GPR101: variants seen among roughly 807,000 people sequenced by gnomAD.
The protein encoded by GPR101 is probable G protein-coupled receptor 101.
A neutral mutation model predicts 16.4 loss-of-function variants in GPR101; 8 were observed. The ratio of observed to expected loss-of-function variants is 0.49; its 90% confidence interval spans 0.29 to 0.88. The LOEUF is 0.88. Among genes scored for constraint, GPR101 ranks in the 40% least tolerant of loss-of-function variants. The pLI, the probability that GPR101 is intolerant of heterozygous loss-of-function variation, is 0.09. For missense variants in GPR101, 375 were observed against 411.7 expected (o/e 0.91, Z 0.77); for synonymous variants, 155 against 168.7 (o/e 0.92, Z 0.63).
Position 137,027,807 on chromosome X carries a change from A to G in GPR101, c.*2341T>C, listed in dbSNP as rs1436038630. 8.9e-6 allele frequency among the ~76,000 whole-genome samples: 1 copy of G among 112,474 alleles called. No individual in the cohort carries two copies. On this transcript the variant is annotated 3_prime_UTR_variant, in exon 2 of 2. Coordinates refer to ENST00000651716, the MANE Select transcript of GPR101 (RefSeq NM_054021.2). ...TTTTGATTTGAGATTTTGGCAAACA[A>G]TTTTCTCTGATACACTTTGAAGGGG...
Position 137,030,194 on chromosome X carries a change from G to A in GPR101, c.1481C>T (p.Thr494Ile). The A allele has an allele frequency of 8.3e-7, 1 of 1,201,579 alleles. No individual in the cohort carries two copies. The highest frequency in any genetic ancestry group is 1.1e-6 in the Non-Finnish European group (1 of 891,099). The change falls in exon 2 of 2, where the codon ACT (threonine) becomes ATT (isoleucine). Residue 494 changes from threonine to isoleucine, a missense_variant. By Grantham distance (89) the Thr-to-Ile change is moderately conservative (BLOSUM62 -1). Coordinates refer to ENST00000651716, the MANE Select transcript of GPR101 (RefSeq NM_054021.2). ...GTAGGAAGGGACAATCTTGCCTTCA[G>A]TCCCACCCTCTGTTCCGGGCAGGTC... ...HPDLPGTEGG[T>I]EGKIVPSYDS...
rs753956918 is a variant in GPR101 at position 137,030,383 on chromosome X, A to G, written c.1292T>C (p.Val431Ala). 2 of 1,208,107 alleles carry G rather than the reference A, an allele frequency of 1.7e-6. No individual in the cohort carries two copies. Among genetic ancestry groups the G allele is most frequent in the African/African-American group, 3.5e-5 (2 of 57,028 alleles). ...GATTATGGTGATCACCCACTGGGGT[A>G]CCTGGGTTTCGACATCCACCCACAC... Reference protein sequence around the residue: ...LAVWVDVETQVPQWVITIIIW... With the variant: ...LAVWVDVETQAPQWVITIIIW... Residue 431 changes from valine to alanine, a missense_variant, in exon 2 of 2, where the codon GTA (valine) becomes GCA (alanine). Coordinates refer to ENST00000651716, the MANE Select transcript of GPR101 (RefSeq NM_054021.2).
Position 137,027,295 on chromosome X carries a change from ATT to A in GPR101, c.*2851_*2852del, listed in dbSNP as rs34085967. On this transcript the variant is annotated 3_prime_UTR_variant, in exon 2 of 2. Transcript: ENST00000651716. ...TGTCTGGCCCCTGTACTTTAATGGGATTTTTTTTTTTTTTTTTACTGCACATA... is the reference window on the plus strand; with the variant it reads ...TGTCTGGCCCCTGTACTTTAATGGGATTTTTTTTTTTTTTTACTGCACATA... Among the ~76,000 whole-genome samples, 170 of 94,577 alleles carry A rather than the reference ATT, an allele frequency of 1.8e-3. No homozygotes were observed. Among genetic ancestry groups the A allele is most frequent in the African/African-American group, 4.1e-3 (105 of 25,748 alleles). 82.1% of individuals were successfully genotyped at this position (94,577 alleles called of 115,157 possible).
At position 137,024,888 on chromosome X, in the gene GPR101, C is replaced by T. The variant is rs763255837; in HGVS notation, c.*5260G>A. Among the ~76,000 whole-genome samples, 233 of 112,122 alleles carry T rather than the reference C, an allele frequency of 2.1e-3. No homozygotes were observed. The highest frequency in any genetic ancestry group is 2.0e-3 in the Non-Finnish European group (109 of 53,226). ...GGTCTTCAGGGTGCAGTATTCTTTT[C>T]GTCCTGCTAACTGGACTCTACTTGC... is the stretch of plus-strand genomic sequence containing the variant. On this transcript the variant is annotated 3_prime_UTR_variant, in exon 2 of 2. Transcript: ENST00000651716.
rs1439056545 is a variant in GPR101, at chrX:137,030,335, C to A, written c.1340G>T (p.Cys447Phe). The A allele has an allele frequency of 5.8e-6, 7 of 1,208,005 alleles. No homozygotes were observed. The South Asian group carries it at 1.2e-4, about 21-fold the overall frequency. The change falls in exon 2 of 2, where the codon TGC becomes TTC. Residue 447 changes from cysteine to phenylalanine, a missense_variant. By Grantham distance (205) the Cys-to-Phe change is radical (BLOSUM62 -2). Coordinates refer to ENST00000651716, the MANE Select transcript of GPR101 (RefSeq NM_054021.2). ...GCCATAGACATAGGGGTGGATGCAG[C>A]ACTGCAGGAAGAAAAGCCAGATGAT... ...TIIIWLFFLQ[C>F]CIHPYVYGYM...
In GPR101 at chrX:137,030,160, A is replaced by G; in HGVS notation, c.1515T>C (p.Ala505=). Residue 505 remains alanine, a synonymous_variant, in exon 2 of 2, where the codon GCT becomes GCC. Transcript: ENST00000651716. ...EGKIVPSYDS[A]TFP ...CTTAGAACTAACTTCAAGGAAAAGT[A>G]GCAGAATCGTAGGAAGGGACAATCT... 1 of 1,177,247 alleles carries G rather than the reference A, an allele frequency of 8.5e-7. No individual in the cohort carries two copies. Among genetic ancestry groups the G allele is most frequent in the Non-Finnish European group, 1.1e-6 (1 of 879,188 alleles).
chrX:137,031,616 G>T lies in GPR101; in HGVS notation c.59C>A (p.Pro20His). The change falls in exon 2 of 2, where the codon CCC becomes CAC. Residue 20 changes from proline (P) to histidine (H), a missense_variant. By Grantham distance (77) the Pro-to-His change is moderately conservative (BLOSUM62 -2). Coordinates refer to ENST00000651716, the MANE Select transcript of GPR101 (RefSeq NM_054021.2). ...CAGGCTGATGGGCATTTTGGAGAGG[G>T]GCATGCACGTGTGGCTGCTGTTACT... is the stretch of plus-strand genomic sequence containing the variant. ...RESNSSHTCM[P>H]LSKMPISLAH... The T allele has an allele frequency of 8.3e-7, 1 of 1,203,383 alleles. No individual in the cohort carries two copies. The highest frequency in any genetic ancestry group is 2.3e-4 in the Middle Eastern group (1 of 4,299).
At position 137,031,591 on chromosome X, in the gene GPR101, C is replaced by T. The variant is rs1363665682; in HGVS notation, c.84G>A (p.Leu28=). 6 of 1,210,529 alleles carry T rather than the reference C, an allele frequency of 5.0e-6. No homozygotes were observed. The South Asian group carries it at 7.1e-5, about 14-fold the overall frequency. ...CGGTTGAGCGGATGATGCCGTGGGC[C>T]AGGCTGATGGGCATTTTGGAGAGGG... ...CMPLSKMPIS[L]AHGIIRSTVL... Residue 28 remains leucine (L), a synonymous_variant, in exon 2 of 2, where the codon CTG becomes CTA. Coordinates refer to ENST00000651716, the MANE Select transcript of GPR101 (RefSeq NM_054021.2).
At position 137,030,746 on chromosome X, in the gene GPR101, C is replaced by T. The variant is rs747441125; in HGVS notation, c.929G>A (p.Ser310Asn). 4.1e-6 allele frequency: 5 copies of T among 1,211,424 alleles called. No homozygotes were observed. The highest frequency in any genetic ancestry group is 5.6e-6 in the Non-Finnish European group (5 of 895,382). ...CATGCTGCCGTCGCTGGCCACCGTG[C>T]TGCTCTCTCTGACCTCCTCGCTGCC... ...ARGSEEVRES[S>N]TVASDGSMEG... The change falls in exon 2 of 2, where the codon AGC (serine) becomes AAC (asparagine). Residue 310 changes from serine to asparagine, a missense_variant. Ser to Asn is a conservative substitution (Grantham distance 46, BLOSUM62 1). Coordinates refer to ENST00000651716, the MANE Select transcript of GPR101 (RefSeq NM_054021.2).
Position 137,028,323 on chromosome X carries a change from T to G in GPR101, c.*1825A>C, listed in dbSNP as rs1927197704. On this transcript the variant is annotated 3_prime_UTR_variant, in exon 2 of 2. Coordinates refer to ENST00000651716, the MANE Select transcript of GPR101 (RefSeq NM_054021.2). ...TGAACATGGCAATCCCAAATTCCCA[T>G]GCAGAGTTATTCACAGTCCAAATAC... 9.0e-6 allele frequency among the ~76,000 whole-genome samples: 1 copy of G among 111,710 alleles called. No individual in the cohort carries two copies. Among genetic ancestry groups the G allele is most frequent in the African/African-American group, 3.3e-5 (1 of 30,726 alleles).
rs1474835798 is a variant in GPR101 at position 137,028,279 on chromosome X, C to G, written c.*1869G>C. Among the ~76,000 whole-genome samples, 1 of 111,366 alleles carries G rather than the reference C, an allele frequency of 9.0e-6. No individual in the cohort carries two copies. ...AGCTCTATATTATTTGGTTCTATTC[C>G]CTCTACTTTCCTAAATTCTGAACAT... is the stretch of plus-strand genomic sequence containing the variant. On this transcript the variant is annotated 3_prime_UTR_variant, in exon 2 of 2. Transcript: ENST00000651716.
In GPR101 at chrX:137,029,091, A is replaced by T. The variant is rs1483628730; in HGVS notation, c.*1057T>A. Among the ~76,000 whole-genome samples, 2 of 112,523 alleles carry T rather than the reference A, an allele frequency of 1.8e-5. No individual in the cohort carries two copies. The highest frequency in any genetic ancestry group is 3.8e-5 in the Non-Finnish European group (2 of 53,324). The stretch of plus-strand genomic sequence containing the variant: ...GATCACATTTATTGTCTATGATCTC[A>T]TGGACACAAAATATATTTCTGATGA... On this transcript the variant is annotated 3_prime_UTR_variant, in exon 2 of 2. Coordinates refer to ENST00000651716, the MANE Select transcript of GPR101 (RefSeq NM_054021.2).
At chrX:137,033,473 G>A (rs1569454415) in intron 1 of GPR101, among the ~76,000 whole-genome samples, 1 of 108,674 alleles carries the variant, frequency 9.2e-6, no homozygotes, top group African/African-American at 3.4e-5. Flanking sequence ...GAGAGAGAAT[G>A]AGAGAGCAAG....
Position 137,030,693 on chromosome X carries a change from C to T in GPR101, c.982G>A (p.Glu328Lys). 1.7e-6 allele frequency: 2 copies of T among 1,211,513 alleles called. No homozygotes were observed. The highest frequency in any genetic ancestry group is 2.2e-6 in the Non-Finnish European group (2 of 895,436). ...MEGKEGSTKVEENSMKADKGR... is the reference protein window; with the variant it reads ...MEGKEGSTKVKENSMKADKGR... ...TTGTCTGCCTTCATGCTGTTCTCCT[C>T]AACTTTGGTGCTGCCTTCCTTACCC... The change falls in exon 2 of 2, where the codon GAG (glutamate) becomes AAG (lysine). Residue 328 changes from glutamate (E) to lysine (K), a missense_variant. Transcript: ENST00000651716.
In GPR101 at chrX:137,027,987, G is replaced by A. The variant is rs1927192896; in HGVS notation, c.*2161C>T. On this transcript the variant is annotated 3_prime_UTR_variant, in exon 2 of 2. Coordinates refer to ENST00000651716, the MANE Select transcript of GPR101 (RefSeq NM_054021.2). ...CTTTGACAATTTGAACAGACCTGAAGGCACTGCCCCTCCCCTGTAGGAGGA... is the reference window on the plus strand; with the variant it reads ...CTTTGACAATTTGAACAGACCTGAAAGCACTGCCCCTCCCCTGTAGGAGGA... Among the ~76,000 whole-genome samples, 1 of 112,281 alleles carries A rather than the reference G, an allele frequency of 8.9e-6. No homozygotes were observed. The highest frequency in any genetic ancestry group is 1.9e-5 in the Non-Finnish European group (1 of 53,255).
chrX:137,030,406 C>A lies in GPR101; in HGVS notation c.1269G>T (p.Val423=). Reference sequence around the variant, plus strand: ...GTACCTGGGTTTCGACATCCACCCACACGGCCAGGACTGCTAAAAAGCAGT... The same window carrying A: ...GTACCTGGGTTTCGACATCCACCCAAACGGCCAGGACTGCTAAAAAGCAGT... ...GPYCFLAVLA[V]WVDVETQVPQ... Residue 423 remains valine (V), a synonymous_variant, in exon 2 of 2, where the codon GTG becomes GTT. Coordinates refer to ENST00000651716, the MANE Select transcript of GPR101 (RefSeq NM_054021.2). 1 of 1,210,894 alleles carries A rather than the reference C, an allele frequency of 8.3e-7. No homozygotes were observed. Among genetic ancestry groups the A allele is most frequent in the South Asian group, 1.8e-5 (1 of 56,667 alleles).
chrX:137,026,145 T>G lies in GPR101; in HGVS notation c.*4003A>C, dbSNP rs1264273985. Among the ~76,000 whole-genome samples the G allele has an allele frequency of 8.9e-6, 1 of 112,155 alleles. No individual in the cohort carries two copies. Among genetic ancestry groups the G allele is most frequent in the African/African-American group, 3.2e-5 (1 of 30,791 alleles). On this transcript the variant is annotated 3_prime_UTR_variant, in exon 2 of 2. Transcript: ENST00000651716. Reference sequence around the variant, plus strand: ...CTAACAGCTAACTGTTCCTGTAATCTTTTGTCTGGTCTAGAAGGAAACGGC... The same window carrying G: ...CTAACAGCTAACTGTTCCTGTAATCGTTTGTCTGGTCTAGAAGGAAACGGC...
rs1368094584 is a variant in GPR101 at position 137,024,732 on chromosome X, A to G, written c.*5416T>C. On this transcript the variant is annotated 3_prime_UTR_variant, in exon 2 of 2. Coordinates refer to ENST00000651716, the MANE Select transcript of GPR101 (RefSeq NM_054021.2). The stretch of plus-strand genomic sequence containing the variant: ...ATGCTGTCTCTATCTTGTCTCTCAG[A>G]CAACCAACCAAAGGGGGAAAAACAG... Among the ~76,000 whole-genome samples the G allele has an allele frequency of 2.7e-5, 3 of 110,854 alleles. No individual in the cohort carries two copies. Among genetic ancestry groups the G allele is most frequent in the Non-Finnish European group, 5.7e-5 (3 of 52,956 alleles).
intron 1 of GPR101, among the ~76,000 whole-genome samples, chrX:137,033,440 A>G (rs925053473): frequency 9.1e-6 from 1 of 109,628 alleles, no homozygotes; most frequent in Non-Finnish European, 1.9e-5. Context: ...GAAAGAAAAA[A>G]GAAGAAATGG....
Sources: allele counts gnomAD v4.1 joint callset (sites outside exome capture counted in the v4.1 genomes callset), GRCh38; gene constraint gnomAD v4.1.1; transcripts MANE v1.5; gene names NCBI Gene and HGNC (gene_info 2026-07-23, HGNC 2026-07-21).